The following ZC3H12D variants were observed in gnomAD, a reference collection of about 807,000 sequenced individuals.
ZC3H12D encodes the protein zinc finger CCCH-type containing 12D, also known as probable ribonuclease ZC3H12D.
A neutral mutation model predicts 24.2 loss-of-function variants in ZC3H12D; 11 were observed. The ratio of observed to expected loss-of-function variants is 0.46; its 90% CI spans 0.29 to 0.75. The LOEUF (loss-of-function observed/expected upper bound fraction) is 0.75, where lower values mean the gene tolerates loss of function less well. Among genes scored for constraint, ZC3H12D ranks in the 30% least tolerant of loss-of-function variants. The pLI is 0.11. For synonymous variants in ZC3H12D, 333 were observed against 341.8 expected, an observed-to-expected ratio of 0.97 and a Z score of 0.28; for missense variants, 740 against 767.7, an observed-to-expected ratio of 0.96 and a Z score of 0.43.
At chr6:149,465,815 A>C (rs1450255952) in intron 2 of ZC3H12D, among the ~76,000 whole-genome samples, 1 of 151,364 alleles carries the variant, frequency 6.6e-6, no homozygotes, top group Non-Finnish European at 1.5e-5. Context: ...GCCCAGCAGA[A>C]GCTGAAAAAG....
Position 149,456,629 on chromosome 6 carries a change from C to CA in ZC3H12D, c.680+36_680+37insT. The CA allele has an allele frequency of 7.0e-7, 1 of 1,420,740 alleles. No homozygotes were observed. The highest frequency in any genetic ancestry group is 9.9e-7 in the Non-Finnish European group (1 of 1,012,110). The allele number at this position is 1,420,740 out of a possible 1,614,324, so 88.0% of individuals were successfully genotyped here. ...GCCTCGACCCCGGCCCCCCGCCCCG[C>CA]CGCCCCCCAGGGTGTCAGGACCCCA... is the stretch of plus-strand genomic sequence containing the variant. On this transcript the variant is annotated intron_variant, in intron 4 of 5. Transcript: ENST00000409806. The surrounding 1 kb of genome is among the most constrained non-coding windows in gnomAD (Gnocchi z 4.3).
chr6:149,474,306 C>G lies in ZC3H12D; in HGVS notation c.238G>C (p.Glu80Gln), dbSNP rs1380957125. ...AQRGPGTALE[E>Q]DFRTLASSLR... is the part of the protein sequence containing the mutation. ...GAACTGGCCAGGGTTCTGAAGTCCT[C>G]TTCCAGGGCTGTCCCCGGGCCACGC... is the stretch of plus-strand genomic sequence containing the variant. Residue 80 changes from glutamate to glutamine, a missense_variant, in exon 2 of 6, where the codon GAG (glutamate) becomes CAG (glutamine). By Grantham distance (29) the Glu-to-Gln change is conservative. Coordinates refer to ENST00000409806, the MANE Select transcript of ZC3H12D (RefSeq NM_207360.3). 1.0e-5 allele frequency: 16 copies of G among 1,584,990 alleles called. No individual in the cohort carries two copies. In the Middle Eastern group the frequency reaches 5.1e-4, roughly 50 times the overall value.
chr6:149,458,021 A>G (rs1776011365), intron 3 of ZC3H12D, among the ~76,000 whole-genome samples: 1 of 151,718 alleles, frequency 6.6e-6, no homozygotes. Flanking sequence ...CCCTTAGGAC[A>G]ACCCTAGTTT....
intron 3 of ZC3H12D, among the ~76,000 whole-genome samples, chr6:149,458,538 G>C (rs1307024459): frequency 6.6e-6 from 1 of 152,126 alleles, no homozygotes; most frequent in African/African-American, 2.4e-5. Context: ...TTGTGTTTGC[G>C]AGGTTTGGTT....
Position 149,456,817 on chromosome 6 carries a change from A to C in ZC3H12D, c.529T>G (p.Cys177Gly), listed in dbSNP as rs1775990877. 6.2e-7 allele frequency: 1 copy of C among 1,612,840 alleles called. No homozygotes were observed. The highest frequency in any genetic ancestry group is 1.7e-5 in the Admixed American group (1 of 60,022). Residue 177 changes from cysteine to glycine, a missense_variant, in exon 4 of 6, where the codon TGC becomes GGC. Coordinates refer to ENST00000409806, the MANE Select transcript of ZC3H12D (RefSeq NM_207360.3). This position sits in a 1 kb window ranked among gnomAD's most constrained non-coding sequence, Gnocchi z 4.3. Reference sequence around the variant, plus strand: ...TTCACGATGTAGCGGTCGTCGTAGCAGACCAGGCGCTTGCCGTGCACCTTG... The same window carrying C: ...TTCACGATGTAGCGGTCGTCGTAGCCGACCAGGCGCTTGCCGTGCACCTTG... ...SRKVHGKRLV[C>G]YDDRYIVKVA...
chr6:149,454,330 C>T (rs927141129), intron 4 of ZC3H12D, among the ~76,000 whole-genome samples: 2 of 152,192 alleles, frequency 1.3e-5, no homozygotes, highest in African/African-American at 4.8e-5. Flanking sequence ...TACAAAGGTT[C>T]TGTAGAGAGG....
intron 3 of ZC3H12D, 148 bp from the exon 4 acceptor site, chr6:149,457,048 C>T (rs1016058731): frequency 1.3e-6 from 1 of 749,122 alleles, no homozygotes; most frequent in Non-Finnish European, 2.1e-6. Flanking sequence ...GCCGCCATAG[C>T]GTTCGCTCCT....
Position 149,456,616 on chromosome 6 carries a change from G to GGGGGCGGCCCCCCCC in ZC3H12D, c.680+49_680+50insGGGGGGGGCCGCCCC. The GGGGGCGGCCCCCCCC allele has an allele frequency of 8.8e-7, 1 of 1,130,410 alleles. No homozygotes were observed. Among genetic ancestry groups the GGGGGCGGCCCCCCCC allele is most frequent in the Non-Finnish European group, 1.3e-6 (1 of 763,264 alleles). The allele number at this position is 1,130,410 out of a possible 1,614,324, so 70.0% of individuals were successfully genotyped here. A position where few individuals can be genotyped will look rare whatever the true frequency, so the allele number is the denominator to read the frequency against. ...AGGCGTGGCCACTGCCTCGACCCCG[G>GGGGGCGGCCCCCCCC]CCCCCCGCCCCGCCGCCCCCCAGGG... On this transcript the variant is annotated intron_variant, in intron 4 of 5. Coordinates refer to ENST00000409806, the MANE Select transcript of ZC3H12D (RefSeq NM_207360.3). This position sits in a 1 kb window ranked among gnomAD's most constrained non-coding sequence, Gnocchi z 4.3.
Position 149,450,967 on chromosome 6 carries a change from C to A in ZC3H12D, c.1300G>T (p.Asp434Tyr). 6.6e-7 allele frequency: 1 copy of A among 1,523,674 alleles called. No individual in the cohort carries two copies. Among genetic ancestry groups the A allele is most frequent in the Non-Finnish European group, 8.8e-7 (1 of 1,137,774 alleles). The allele number at this position is 1,523,674 out of a possible 1,614,324, so 94.4% of individuals were successfully genotyped here. Residue 434 changes from aspartate (D) to tyrosine (Y), a missense_variant, in exon 6 of 6, where the codon GAC (aspartate) becomes TAC (tyrosine). Coordinates refer to ENST00000409806, the MANE Select transcript of ZC3H12D (RefSeq NM_207360.3). ...CGGGGTGGACGGGCCCACGGGTCGT[C>A]GGGTGGCCTGCGCGGGGAAAGCAAG... is the stretch of plus-strand genomic sequence containing the variant. ...GDLLSPRRPP[D>Y]DPWARPPRSD...
chr6:149,456,899 C>T lies in ZC3H12D; in HGVS notation c.447G>A (p.Glu149=), dbSNP rs1432707901. 5 of 1,596,152 alleles carry T rather than the reference C, an allele frequency of 3.1e-6. No homozygotes were observed. The highest frequency in any genetic ancestry group is 2.2e-5 in the South Asian group (2 of 90,940). Residue 149 remains glutamate (E), a splice_region_variant and synonymous_variant, in exon 4 of 6, where the codon GAG becomes GAA. Coordinates refer to ENST00000409806, the MANE Select transcript of ZC3H12D (RefSeq NM_207360.3). This position sits in a 1 kb window ranked among gnomAD's most constrained non-coding sequence, Gnocchi z 4.3. Reference sequence around the variant, plus strand: ...GCTCCAGCTCCGCCAGCACGTGCTGCTCTGAGGGCGGGGCGACGGAGACGC... The same window carrying T: ...GCTCCAGCTCCGCCAGCACGTGCTGTTCTGAGGGCGGGGCGACGGAGACGC... ...DPPRADTPIR[E]QHVLAELERQ... is the part of the protein sequence containing the mutation.
chr6:149,462,017 T>A, intron 2 of ZC3H12D, 47 bp from the exon 3 acceptor site: 1 of 1,578,738 alleles, frequency 6.3e-7, no homozygotes, highest in Admixed American at 1.8e-5. Flanking sequence ...CAAGTGTTCC[T>A]AAGAGTGATT....
chr6:149,465,710 G>A (rs543800820), intron 2 of ZC3H12D, among the ~76,000 whole-genome samples: 1 of 144,932 alleles, frequency 6.9e-6, no homozygotes, highest in South Asian at 2.3e-4. Context: ...AGCTGAGATC[G>A]CACCACTGCA....
intron 2 of ZC3H12D, among the ~76,000 whole-genome samples, chr6:149,470,855 C>T (rs917762857): frequency 2.6e-5 from 4 of 152,246 alleles, no homozygotes; most frequent in East Asian, 1.9e-4. Flanking sequence ...GAACGTCACA[C>T]GTGGCAAGTG....
Position 149,456,947 on chromosome 6 carries a change from C to G in ZC3H12D, c.446-47G>C, listed in dbSNP as rs1488165961. 6.4e-7 allele frequency: 1 copy of G among 1,555,616 alleles called. No homozygotes were observed. The highest frequency in any genetic ancestry group is 8.7e-7 in the Non-Finnish European group (1 of 1,146,884). On this transcript the variant is annotated intron_variant, in intron 3 of 5. Transcript: ENST00000409806. This position sits in a 1 kb window ranked among gnomAD's most constrained non-coding sequence, Gnocchi z 4.3. ...CGCGGGTGAGGGCCCAAGGGCACCG[C>G]CCCTGAGAACCACCCCCAACGCGAG... is the stretch of plus-strand genomic sequence containing the variant.
intron 2 of ZC3H12D, 136 bp downstream of exon 2, chr6:149,474,103 G>T: frequency 1.5e-6 from 1 of 649,692 alleles, no homozygotes; most frequent in Non-Finnish European, 2.4e-6. Flanking sequence ...GTTACTAAGA[G>T]ATGGTACAGG....
chr6:149,471,077 G>A (rs757659911), intron 2 of ZC3H12D, among the ~76,000 whole-genome samples: 8 of 152,206 alleles, frequency 5.3e-5, no homozygotes, highest in African/African-American at 1.4e-4. Context: ...TTCTCATTAC[G>A]TTGACCCACC....
chr6:149,459,266 T>C (rs1776035437), intron 3 of ZC3H12D, among the ~76,000 whole-genome samples: 1 of 152,206 alleles, frequency 6.6e-6, no homozygotes, highest in African/African-American at 2.4e-5. Flanking sequence ...TTCTTCACAT[T>C]CAGACCATAA....
intron 4 of ZC3H12D, among the ~76,000 whole-genome samples, chr6:149,455,186 T>G (rs749011074): frequency 6.6e-6 from 1 of 152,170 alleles, no homozygotes; most frequent in Admixed American, 6.5e-5. Context: ...AACACCACAC[T>G]GTGTCCCTGG....
At chr6:149,459,156 CTTG>C (rs148171729) in intron 3 of ZC3H12D, among the ~76,000 whole-genome samples, 55,118 of 151,746 alleles carry the variant, frequency 0.36, 10,487 homozygotes, top group African/African-American at 0.46. Context: ...TAAGTTTGCA[CTTG>C]TTGTGGCTTA....
Sources: gnomAD v4.1 joint callset for allele counts (sites outside exome capture counted in the v4.1 genomes callset) on GRCh38, gnomAD v4.1.1 for gene constraint, Gnocchi (gnomAD v3.1) non-coding constraint, MANE v1.5 for transcripts, NCBI Gene and HGNC (gene_info 2026-07-23, HGNC 2026-07-21) for gene names.